RNF180: variants seen among roughly 807,000 people sequenced by gnomAD.
The protein encoded by RNF180 is E3 ubiquitin-protein ligase RNF180.
RNF180 carries 38 observed loss-of-function variants against 59.2 expected under a neutral mutation model. The ratio of observed to expected loss-of-function variants is 0.64; its 90% confidence interval spans 0.50 to 0.84. The LOEUF is 0.84. RNF180 is among the 40% of genes least tolerant of loss of function. RNF180 has a pLI of 0.00. For synonymous variants in RNF180, 262 were observed against 240.3 expected (o/e 1.09, Z -0.84); for missense variants, 705 against 700.9 (o/e 1.01, Z -0.07).
At chr5:64,343,437 T>C (rs936071587) in intron 7 of RNF180, among the ~76,000 whole-genome samples, 26 of 152,066 alleles carry the variant, frequency 1.7e-4, no homozygotes, top group African/African-American at 6.3e-4. Context: ...AATAGAAAAA[T>C]ATAGCTGAAG....
chr5:64,367,445 G>A (rs1746494706), intron 7 of RNF180, among the ~76,000 whole-genome samples: 1 of 151,602 alleles, frequency 6.6e-6, no homozygotes, highest in Admixed American at 6.6e-5. Flanking sequence ...TAGAAAGTCA[G>A]CCAAGATCAA....
chr5:64,362,192 T>G (rs111734977), intron 7 of RNF180, among the ~76,000 whole-genome samples: 9 of 151,648 alleles, frequency 5.9e-5, no homozygotes, highest in African/African-American at 2.2e-4. Context: ...ACTGAGGTAG[T>G]AAGCCTAGGA....
intron 7 of RNF180, among the ~76,000 whole-genome samples, chr5:64,343,966 C>A (rs1745457333): frequency 6.6e-6 from 1 of 151,442 alleles, no homozygotes; most frequent in African/African-American, 2.4e-5. Context: ...TTTTCCAAAA[C>A]TGAAGACAGA....
intron 5 of RNF180, among the ~76,000 whole-genome samples, chr5:64,259,744 G>A (rs1744206763): frequency 6.6e-6 from 1 of 152,066 alleles, no homozygotes; most frequent in Non-Finnish European, 1.5e-5. Flanking sequence ...CCAACATGGA[G>A]AAGCCCCATC....
At chr5:64,234,041 C>T (rs973505259) in intron 5 of RNF180, among the ~76,000 whole-genome samples, 1 of 152,176 alleles carries the variant, frequency 6.6e-6, no homozygotes, top group Non-Finnish European at 1.5e-5. Context: ...AGTCCTAACT[C>T]CCCTGGTGAT....
At chr5:64,250,050 A>G (rs562117917) in intron 5 of RNF180, among the ~76,000 whole-genome samples, 1 of 152,322 alleles carries the variant, frequency 6.6e-6, no homozygotes, top group East Asian at 1.9e-4. Flanking sequence ...TCTCCAGGAT[A>G]GTATAAATGT....
intron 5 of RNF180, among the ~76,000 whole-genome samples, chr5:64,250,325 A>G (rs1389978255): frequency 1.3e-5 from 2 of 152,182 alleles, no homozygotes; most frequent in African/African-American, 4.8e-5. Context: ...TTCATAAAAA[A>G]GAACAGAAAT....
chr5:64,306,751 A>G (rs1743485500), intron 5 of RNF180, among the ~76,000 whole-genome samples: 1 of 150,468 alleles, frequency 6.6e-6, no homozygotes, highest in Non-Finnish European at 1.5e-5. Context: ...ACATATTCTC[A>G]CTCATAGGTG....
chr5:64,234,488 T>A (rs987769718), intron 5 of RNF180, among the ~76,000 whole-genome samples: 1 of 149,354 alleles, frequency 6.7e-6, no homozygotes, highest in Non-Finnish European at 1.5e-5. Context: ...AAATAAAGTT[T>A]ACGAACATGA....
intron 5 of RNF180, among the ~76,000 whole-genome samples, chr5:64,250,411 A>G (rs1348235179): frequency 6.6e-6 from 1 of 152,116 alleles, no homozygotes; most frequent in Non-Finnish European, 1.5e-5. Flanking sequence ...GGAAGGAAAT[A>G]ATATCAGGGC....
intron 6 of RNF180, among the ~76,000 whole-genome samples, chr5:64,327,439 A>C (rs1744697343): frequency 6.6e-6 from 1 of 152,036 alleles, no homozygotes. Context: ...TTGCCTCTTA[A>C]TACTGCTTTT....
intron 5 of RNF180, among the ~76,000 whole-genome samples, chr5:64,314,858 G>T (rs1328247866): frequency 1.3e-5 from 2 of 152,148 alleles, no homozygotes; most frequent in African/African-American, 4.8e-5. Context: ...AGAAAAAGGG[G>T]ATAGTAGTAT....
intron 5 of RNF180, among the ~76,000 whole-genome samples, chr5:64,252,705 TC>T (rs1483540846): frequency 6.6e-6 from 1 of 151,968 alleles, no homozygotes; most frequent in Admixed American, 6.6e-5. Context: ...AAACTAAACT[TC>T]CTGTGCCTCA....
At chr5:64,349,825 T>A (rs1164260663) in intron 7 of RNF180, among the ~76,000 whole-genome samples, 3 of 152,330 alleles carry the variant, frequency 2.0e-5, no homozygotes, top group Non-Finnish European at 4.4e-5. Context: ...ATTTTCTTAA[T>A]CCAGTCTATC....
chr5:64,283,025 A>G (rs894606590), intron 5 of RNF180, among the ~76,000 whole-genome samples: 1 of 152,132 alleles, frequency 6.6e-6, no homozygotes, highest in African/African-American at 2.4e-5. Context: ...TCATTTGGTC[A>G]TATGTTAAGT....
intron 2 of RNF180, among the ~76,000 whole-genome samples, chr5:64,203,814 G>A (rs989779300): frequency 2.6e-5 from 4 of 151,794 alleles, no homozygotes; most frequent in African/African-American, 9.7e-5. Context: ...GGGCATATTG[G>A]TATTTTCTTT....
At position 64,369,716 on chromosome 5, in the gene RNF180, T is replaced by C; in HGVS notation, c.1681T>C (p.Phe561Leu). 6.5e-7 allele frequency: 1 copy of C among 1,548,404 alleles called. No homozygotes were observed. The highest frequency in any genetic ancestry group is 2.0e-5 in the Admixed American group (1 of 50,448). The change falls in exon 8 of 8, where the codon TTT becomes CTT. Residue 561 changes from phenylalanine (F) to leucine (L), a missense_variant. Physicochemically the swap from Phe to Leu is conservative, Grantham distance 22 (BLOSUM62 0). Transcript: ENST00000389100. ...TGAGGATGATAGCCGTGGATGGTGGTTTGACATGGATATGGTGATCATATA... is the reference window on the plus strand; with the variant it reads ...TGAGGATGATAGCCGTGGATGGTGGCTTGACATGGATATGGTGATCATATA... ...HFEDDSRGWWFDMDMVIIYIY... is the reference protein window; with the variant it reads ...HFEDDSRGWWLDMDMVIIYIY...
At chr5:64,333,866 C>T (rs1745016479) in intron 7 of RNF180, among the ~76,000 whole-genome samples, 1 of 152,148 alleles carries the variant, frequency 6.6e-6, no homozygotes, top group Non-Finnish European at 1.5e-5. Flanking sequence ...ATCAGGAGCT[C>T]AGCTGAGCTG....
At chr5:64,313,782 G>C (rs1163647664) in intron 5 of RNF180, among the ~76,000 whole-genome samples, 1 of 152,116 alleles carries the variant, frequency 6.6e-6, no homozygotes, top group East Asian at 1.9e-4. Flanking sequence ...CAGTGTGTAA[G>C]TGTTCCCTTT....
Sources: allele counts gnomAD v4.1 joint callset (sites outside exome capture counted in the v4.1 genomes callset), GRCh38; gene constraint gnomAD v4.1.1; transcripts MANE v1.5; gene names NCBI Gene and HGNC (gene_info 2026-07-23, HGNC 2026-07-21).